Variants in CCDC136 observed in about 807,000 individuals in gnomAD.
The protein encoded by CCDC136 is coiled-coil domain-containing protein 136.
CCDC136 carries 100 observed loss-of-function variants against 141.2 expected under a neutral mutation model. That is an observed-to-expected ratio of 0.71 (90% CI 0.60 to 0.84). The LOEUF (loss-of-function observed/expected upper bound fraction) is 0.84, where lower values mean the gene tolerates loss of function less well. CCDC136 is among the 40% of genes least tolerant of loss of function. The pLI, the probability that CCDC136 is intolerant of heterozygous loss-of-function variation, is 0.00. For synonymous variants in CCDC136, 474 were observed against 531.9 expected (o/e 0.89, Z 1.50); for missense variants, 1,206 against 1,379.4 (o/e 0.87, Z 1.99).
chr7:128,801,398 C>A lies in CCDC136; in HGVS notation c.559C>A (p.Arg187Ser). The change falls in exon 4 of 18, where the codon CGC becomes AGC. Residue 187 changes from arginine to serine, a missense_variant. By Grantham distance (110) the Arg-to-Ser change is moderately radical. Coordinates refer to ENST00000297788, the MANE Select transcript of CCDC136 (RefSeq NM_022742.5). Reference protein sequence around the residue: ...RMQNELEDMERIRGDYEMEIA... With the variant: ...RMQNELEDMESIRGDYEMEIA... ...GCAGAATGAACTTGAAGACATGGAA[C>A]GCATTCGGGGAGATTATGAGATGGA... The A allele has an allele frequency of 6.2e-7, 1 of 1,613,238 alleles. No homozygotes were observed. The highest frequency in any genetic ancestry group is 8.5e-7 in the Non-Finnish European group (1 of 1,179,578).
intron 4 of CCDC136, among the ~76,000 whole-genome samples, chr7:128,802,215 A>G (rs1225411660): frequency 6.6e-6 from 1 of 152,204 alleles, no homozygotes; most frequent in African/African-American, 2.4e-5. Context: ...CCCTGCTTTC[A>G]GACAGTGAGT....
chr7:128,803,999 G>A (rs113848652), intron 4 of CCDC136, among the ~76,000 whole-genome samples: 2,185 of 152,178 alleles, frequency 0.014, 62 homozygotes, highest in African/African-American at 0.05. Context: ...ATTTTTAGTA[G>A]AGACAGGGGT....
upstream of CCDC136, chr7:128,791,531 G>A (rs887134460): frequency 7.0e-6 from 9 of 1,291,242 alleles, 1 homozygote; most frequent in South Asian, 1.8e-4. The surrounding 1 kb of genome is among the most constrained non-coding windows in gnomAD (Gnocchi z 7.1). Flanking sequence ...GGAGCCGCGG[G>A]CTGGAGCTGC....
At chr7:128,801,148 C>T (rs971686484) in intron 3 of CCDC136, 38 bp from the exon 4 acceptor site, 2 of 1,515,262 alleles carry the variant, frequency 1.3e-6, no homozygotes, top group South Asian at 1.2e-5. Flanking sequence ...GGTTAGTTCA[C>T]CTGCCCTCTT....
intron 3 of CCDC136, 25 bp from the exon 4 acceptor site, chr7:128,801,161 T>C: frequency 6.3e-7 from 1 of 1,577,620 alleles, no homozygotes; most frequent in Non-Finnish European, 8.7e-7. Context: ...GCCCTCTTGA[T>C]CATCTCAACC....
rs1804739937 is a variant in CCDC136, at chr7:128,805,800, C to T, written c.988C>T (p.His330Tyr). 3 of 1,613,430 alleles carry T rather than the reference C, an allele frequency of 1.9e-6. No individual in the cohort carries two copies. The East Asian group carries it at 6.7e-5, about 36-fold the overall frequency. The change falls in exon 7 of 18, where the codon CAT becomes TAT. Residue 330 changes from histidine to tyrosine, a missense_variant. His to Tyr is a moderately conservative substitution (Grantham distance 83). Coordinates refer to ENST00000297788, the MANE Select transcript of CCDC136 (RefSeq NM_022742.5). This position sits in a 1 kb window ranked among gnomAD's most constrained non-coding sequence, Gnocchi z 4.6. ...LCCELEELQH[H>Y]RQVSEEEQRR... Reference sequence around the variant, plus strand: ...TTGTGAGTTGGAAGAGCTACAGCATCATCGCCAGGTCAGTGAGGAGGAGCA... The same window carrying T: ...TTGTGAGTTGGAAGAGCTACAGCATTATCGCCAGGTCAGTGAGGAGGAGCA...
At chr7:128,796,737 A>ATTTTTTTTT (rs1236842533) in intron 3 of CCDC136, among the ~76,000 whole-genome samples, 1 of 119,120 alleles carries the variant, frequency 8.4e-6, no homozygotes, top group African/African-American at 4.3e-5. Context: ...ATATATATAT[A>ATTTTTTTTT]TATTCTTTTT....
chr7:128,818,040 T>C, intron 17 of CCDC136, 176 bp downstream of exon 17: 1 of 593,052 alleles, frequency 1.7e-6, no homozygotes, highest in Non-Finnish European at 3.0e-6. Context: ...GCAAAGCCTC[T>C]GACATCTCTG....
chr7:128,792,266 CCAGCCCG>C lies in CCDC136; in HGVS notation c.-140_-134del. On this transcript the variant is annotated 5_prime_UTR_variant, in exon 1 of 18. The change abolishes the stop of an existing upstream ORF in the 5' untranslated region. Transcript: ENST00000297788. ...CATGTCCCCTTCTTTCCTCTGCACC[CCAGCCCG>C]CAGCCAGCCCCCCACCCCCCAGCCC... 6.5e-7 allele frequency: 1 copy of C among 1,536,770 alleles called. No homozygotes were observed. The highest frequency in any genetic ancestry group is 1.4e-5 in the African/African-American group (1 of 72,544).
intron 3 of CCDC136, among the ~76,000 whole-genome samples, chr7:128,799,566 G>T (rs944380585): frequency 4.3e-4 from 65 of 151,592 alleles, no homozygotes; most frequent in African/African-American, 1.5e-3. Flanking sequence ...ACCAAGTGAA[G>T]GGGAGACTTA....
In CCDC136 at chr7:128,815,829, AGAG is replaced by A. The variant is rs754399212; in HGVS notation, c.3265_3267del (p.Glu1089del). 9 of 1,611,978 alleles carry A rather than the reference AGAG, an allele frequency of 5.6e-6. No individual in the cohort carries two copies. Among genetic ancestry groups the A allele is most frequent in the South Asian group, 2.2e-5 (2 of 90,408 alleles). On this transcript the variant is annotated inframe_deletion, in exon 16 of 18. Transcript: ENST00000297788. ...AGGAAAATGAAGAGGACAAAGAGGAAGAGGAGAAGGAAGAAGACAGTGAAGAGG... is the reference window on the plus strand; with the variant it reads ...AGGAAAATGAAGAGGACAAAGAGGAAGAGAAGGAAGAAGACAGTGAAGAGG...
chr7:128,798,247 CAGT>C (rs1455729198), intron 3 of CCDC136, among the ~76,000 whole-genome samples: 1 of 11,582 alleles, frequency 8.6e-5, no homozygotes, highest in African/African-American at 3.8e-4. Context: ...ATTCTCTCCT[CAGT>C]AGAGTTTTTT....
intron 4 of CCDC136, 134 bp downstream of exon 4, chr7:128,801,643 G>A (rs1804043739): frequency 1.5e-6 from 1 of 681,570 alleles, no homozygotes; most frequent in Non-Finnish European, 2.4e-6. Flanking sequence ...ATTCAAGACT[G>A]TAGGGGTCCA....
At chr7:128,790,792 C>G (rs116978967), upstream of CCDC136, 1 of 151,970 alleles carries the variant, frequency 6.6e-6, no homozygotes, top group Non-Finnish European at 1.5e-5. This position sits in a 1 kb window ranked among gnomAD's most constrained non-coding sequence, Gnocchi z 5.4. Flanking sequence ...ATGGGGCCAC[C>G]GGAGGGCTCC....
intron 3 of CCDC136, among the ~76,000 whole-genome samples, chr7:128,799,080 A>C (rs573017754): frequency 6.6e-6 from 1 of 150,894 alleles, no homozygotes; most frequent in South Asian, 2.1e-4. Context: ...TCATGCCTGT[A>C]ATCCCAGCAC....
chr7:128,802,028 G>T (rs1227410599), intron 4 of CCDC136, among the ~76,000 whole-genome samples: 1 of 152,182 alleles, frequency 6.6e-6, no homozygotes, highest in Admixed American at 6.5e-5. Context: ...ATGGTGCTTT[G>T]CCTGGAATGC....
At chr7:128,811,751 G>C (rs1242398251) in intron 12 of CCDC136, 49 bp from the exon 13 acceptor site, 12 of 1,508,136 alleles carry the variant, frequency 8.0e-6, no homozygotes, top group Non-Finnish European at 1.1e-5. Context: ...GCAGCTGGAA[G>C]GACTGAAGTG....
At position 128,810,173 on chromosome 7, in the gene CCDC136, G is replaced by A; in HGVS notation, c.1835G>A (p.Cys612Tyr). Residue 612 changes from cysteine (C) to tyrosine (Y), a missense_variant, in exon 12 of 18, where the codon TGT becomes TAT. Physicochemically the swap from Cys to Tyr is radical, Grantham distance 194. Transcript: ENST00000297788. Reference protein sequence around the residue: ...QELLTKLEDLCELQLLYQGMQ... With the variant: ...QELLTKLEDLYELQLLYQGMQ... ...CTACTCACCAAGTTAGAAGACCTGTGTGAGCTGCAGCTGCTCTACCAAGGC... is the reference window on the plus strand; with the variant it reads ...CTACTCACCAAGTTAGAAGACCTGTATGAGCTGCAGCTGCTCTACCAAGGC... 6.2e-7 allele frequency: 1 copy of A among 1,603,152 alleles called. No individual in the cohort carries two copies. Among genetic ancestry groups the A allele is most frequent in the Non-Finnish European group, 8.5e-7 (1 of 1,174,606 alleles).
Position 128,805,911 on chromosome 7 carries a change from G to T in CCDC136, c.1089+10G>T. 1 of 1,613,636 alleles carries T rather than the reference G, an allele frequency of 6.2e-7. No individual in the cohort carries two copies. The highest frequency in any genetic ancestry group is 8.5e-7 in the Non-Finnish European group (1 of 1,179,820). On this transcript the variant is annotated intron_variant, in intron 7 of 17. Coordinates refer to ENST00000297788, the MANE Select transcript of CCDC136 (RefSeq NM_022742.5). This position sits in a 1 kb window ranked among gnomAD's most constrained non-coding sequence, Gnocchi z 4.6. ...CCACAGTGTCACCCAGGTAAACACTGCCCGGGGAGGCATCTGGGGTGGGGG... is the reference window on the plus strand; with the variant it reads ...CCACAGTGTCACCCAGGTAAACACTTCCCGGGGAGGCATCTGGGGTGGGGG...
Sources: gnomAD v4.1 joint callset for allele counts (sites outside exome capture counted in the v4.1 genomes callset) on GRCh38, gnomAD v4.1.1 for gene constraint, Gnocchi (gnomAD v3.1) non-coding constraint, MANE v1.5 for transcripts, NCBI Gene and HGNC (gene_info 2026-07-23, HGNC 2026-07-21) for gene names.